The following ARHGEF28 variants were observed in gnomAD, a reference collection of about 807,000 sequenced individuals.
ARHGEF28 encodes 190 kDa guanine nucleotide exchange factor.
A neutral mutation model predicts 206.6 loss-of-function variants in ARHGEF28; 152 were observed. That is an observed-to-expected ratio of 0.74 (90% CI 0.64 to 0.84). ARHGEF28 has a LOEUF of 0.84. ARHGEF28 is among the 40% of genes least tolerant of loss of function. The pLI, the probability that ARHGEF28 is intolerant of heterozygous loss-of-function variation, is 0.00. For synonymous variants in ARHGEF28, 763 were observed against 776.4 expected (o/e 0.98, Z 0.29); for missense variants, 2,028 against 2,073.2 (o/e 0.98, Z 0.42).
intron 11 of ARHGEF28, among the ~76,000 whole-genome samples, chr5:73,846,006 AAAAAG>A (rs1237264791): frequency 1.3e-5 from 2 of 149,558 alleles, no homozygotes; most frequent in African/African-American, 2.5e-5. Flanking sequence ...AAAAAAAAAA[AAAAAG>A]AAAGAAAGAA....
chr5:73,750,706 A>G (rs1392655394), intron 3 of ARHGEF28, among the ~76,000 whole-genome samples: 1 of 152,096 alleles, frequency 6.6e-6, no homozygotes, highest in Non-Finnish European at 1.5e-5. Context: ...GCTTTAACCT[A>G]ATGGTGGAAT....
At chr5:73,934,345 G>A (rs962445710) in intron 35 of ARHGEF28, among the ~76,000 whole-genome samples, 26 of 151,910 alleles carry the variant, frequency 1.7e-4, no homozygotes, top group Non-Finnish European at 2.5e-4. Context: ...ATCTCATCAC[G>A]TGGCACACAA....
At chr5:73,921,345 C>T (rs1026664255) in intron 35 of ARHGEF28, among the ~76,000 whole-genome samples, 4 of 152,206 alleles carry the variant, frequency 2.6e-5, no homozygotes, top group Non-Finnish European at 5.9e-5. Flanking sequence ...TTGTTCTGCT[C>T]AGACCTTTGA....
At chr5:73,671,705 TA>T in intron 1 of ARHGEF28, among the ~76,000 whole-genome samples, 2 of 11,142 alleles carry the variant, frequency 1.8e-4, no homozygotes, top group Admixed American at 2.6e-3. Context: ...TATATATATA[TA>T]TATATATATA....
At chr5:73,862,541 T>C (rs1003393440) in intron 16 of ARHGEF28, among the ~76,000 whole-genome samples, 1 of 152,170 alleles carries the variant, frequency 6.6e-6, no homozygotes, top group Non-Finnish European at 1.5e-5. Context: ...ATTTAGACCA[T>C]GTGTTGTTTG....
At chr5:73,920,245 A>G (rs1763444150) in intron 35 of ARHGEF28, among the ~76,000 whole-genome samples, 1 of 152,236 alleles carries the variant, frequency 6.6e-6, no homozygotes, top group Non-Finnish European at 1.5e-5. Context: ...CATGTTAGAT[A>G]GCATTCTTAA....
At chr5:73,654,671 A>G (rs1745065097) in intron 1 of ARHGEF28, among the ~76,000 whole-genome samples, 1 of 152,230 alleles carries the variant, frequency 6.6e-6, no homozygotes, top group African/African-American at 2.4e-5. Context: ...AGGTGAACAC[A>G]GTGGCATAAT....
At chr5:73,739,722 T>G (rs10067707) in intron 2 of ARHGEF28, among the ~76,000 whole-genome samples, 37,810 of 150,902 alleles carry the variant, frequency 0.25, 5,022 homozygotes, top group Non-Finnish European at 0.3. Flanking sequence ...GAGGTGGGAA[T>G]ATCACTTGTG....
Position 73,858,142 on chromosome 5 carries a change from C to G in ARHGEF28, c.1970C>G (p.Pro657Arg), listed in dbSNP as rs550823025. Residue 657 changes from proline to arginine, a missense_variant, in exon 16 of 36, where the codon CCA becomes CGA. By Grantham distance (103) the Pro-to-Arg change is moderately radical. Transcript: ENST00000513042. ...KEKLNRHQFAPGTFSGVLQCL... is the reference protein window; with the variant it reads ...KEKLNRHQFARGTFSGVLQCL... ...AAGCTGAATCGACATCAGTTTGCCC[C>G]AGGAACATTCTCTGGGGTTCTGCAG... 1 of 1,612,332 alleles carries G rather than the reference C, an allele frequency of 6.2e-7. No homozygotes were observed. The highest frequency in any genetic ancestry group is 1.1e-5 in the South Asian group (1 of 90,734).
chr5:73,909,956 G>T (rs745328962), intron 34 of ARHGEF28, 59 bp downstream of exon 34: 57 of 1,461,236 alleles, frequency 3.9e-5, no homozygotes, highest in Non-Finnish European at 5.0e-5. Context: ...GGGCCTGGGG[G>T]CTCCTAGGAC....
At chr5:73,833,877 TG>T (rs1227067080) in intron 10 of ARHGEF28, among the ~76,000 whole-genome samples, 1 of 152,048 alleles carries the variant, frequency 6.6e-6, no homozygotes, top group African/African-American at 2.4e-5. Flanking sequence ...GAGAACAGCA[TG>T]GGGAAAACCA....
At chr5:73,741,924 C>T (rs1751456675) in intron 2 of ARHGEF28, among the ~76,000 whole-genome samples, 1 of 151,980 alleles carries the variant, frequency 6.6e-6, no homozygotes, top group South Asian at 2.1e-4. Context: ...GTTAAAGTTT[C>T]CCACTGTGAT....
At chr5:73,788,010 C>T (rs1754260142) in intron 7 of ARHGEF28, among the ~76,000 whole-genome samples, 1 of 152,036 alleles carries the variant, frequency 6.6e-6, no homozygotes, top group African/African-American at 2.4e-5. Context: ...TGGTTAAACC[C>T]ACTGTATGTT....
intron 10 of ARHGEF28, among the ~76,000 whole-genome samples, chr5:73,832,853 G>A (rs187648638): frequency 2.6e-4 from 40 of 152,320 alleles, no homozygotes; most frequent in Non-Finnish European, 2.1e-4. Context: ...TAATGAGCAG[G>A]TGCTTGGTCC....
chr5:73,898,018 T>C lies in ARHGEF28; in HGVS notation c.3898T>C (p.Cys1300Arg), dbSNP rs1446996796. The change falls in exon 30 of 36, where the codon TGT (cysteine) becomes CGT (arginine). Residue 1300 changes from cysteine to arginine, a missense_variant. By Grantham distance (180) the Cys-to-Arg change is radical. Around this residue, in one of 3 missense-constraint regions of ARHGEF28, gnomAD observed 803 missense variants for 768.0 expected, o/e 1.05. Transcript: ENST00000513042. ...ACAGATGGGCGCCGTGAGTCAATCA[T>C]GTGAGGACAGTTGTGGAGACTCTGT... ...ASQMGAVSQS[C>R]EDSCGDSVLA... 6 of 1,608,300 alleles carry C rather than the reference T, an allele frequency of 3.7e-6. No homozygotes were observed. The highest frequency in any genetic ancestry group is 2.2e-5 in the East Asian group (1 of 44,746).
intron 4 of ARHGEF28, among the ~76,000 whole-genome samples, chr5:73,756,644 A>G (rs1277260859): frequency 6.6e-6 from 1 of 152,202 alleles, no homozygotes; most frequent in Non-Finnish European, 1.5e-5. Flanking sequence ...GTAGGGGCTC[A>G]TATATGGATA....
intron 2 of ARHGEF28, among the ~76,000 whole-genome samples, chr5:73,689,344 AT>A (rs1201508886): frequency 1.3e-5 from 2 of 151,968 alleles, no homozygotes; most frequent in African/African-American, 4.8e-5. Flanking sequence ...TATTTGATTT[AT>A]TTTTTTAAAT....
chr5:73,654,330 T>C (rs12659220), intron 1 of ARHGEF28, among the ~76,000 whole-genome samples: 43,617 of 152,074 alleles, frequency 0.29, 6,428 homozygotes, highest in East Asian at 0.46. Context: ...GAAGGAAGCA[T>C]GGCCTGAGGC....
intron 1 of ARHGEF28, among the ~76,000 whole-genome samples, chr5:73,650,450 A>G (rs1326185192): frequency 6.9e-6 from 1 of 144,476 alleles, no homozygotes; most frequent in African/African-American, 2.6e-5. Context: ...ACACCCAGCT[A>G]ATTTTTGTAT....
Sources: gnomAD v4.1 joint callset for allele counts (sites outside exome capture counted in the v4.1 genomes callset) on GRCh38, gnomAD v4.1.1 for gene constraint, gnomAD v4.1.1 regional missense constraint, MANE v1.5 for transcripts, NCBI Gene and HGNC (gene_info 2026-07-23, HGNC 2026-07-21) for gene names.